TRIQK: variants seen among roughly 807,000 people sequenced by gnomAD.
TRIQK encodes triple QxxK/R motif containing.
TRIQK carries 10 observed loss-of-function variants against 10.8 expected under a neutral mutation model. The observed-to-expected ratio is 0.92, with a 90% CI of 0.57 to 1.57. The LOEUF (loss-of-function observed/expected upper bound fraction) is 1.57, where lower values mean the gene tolerates loss of function less well. Ranked by LOEUF, TRIQK falls within the 40% of genes most tolerant of loss-of-function variation. The pLI is 0.00. For synonymous variants in TRIQK, 33 were observed against 33.7 expected, an observed-to-expected ratio of 0.98 and a Z score of 0.07; for missense variants, 107 against 97.7, an observed-to-expected ratio of 1.09 and a Z score of -0.40.
rs114634211 is a variant in TRIQK at position 93,003,916 on chromosome 8, G to A, written c.-181+13693C>T. Among the ~76,000 whole-genome samples the A allele has an allele frequency of 3.4e-3, 514 of 152,280 alleles. 1 individual carries two copies. Among genetic ancestry groups the A allele is most frequent in the African/African-American group, 0.012 (488 of 41,554 alleles). On this transcript the variant is annotated intron_variant, in intron 1 of 4. Coordinates refer to the TRIQK transcript ENST00000520686. ...ACATCCAGCTCATGCTGTTGCAGGG[G>A]GTGTGATCCCAAGGCCTTAGGTAGC...
At chr8:92,930,584 G>T (rs1810670635) in intron 2 of TRIQK, among the ~76,000 whole-genome samples, 1 of 151,960 alleles carries the variant, frequency 6.6e-6, no homozygotes, top group Admixed American at 6.6e-5. Flanking sequence ...CACGCTAAGA[G>T]CTTAATCAAA....
chr8:93,000,785 C>T (rs1051409242), intron 1 of TRIQK, among the ~76,000 whole-genome samples: 1 of 151,080 alleles, frequency 6.6e-6, no homozygotes. Flanking sequence ...ATGTTTGCCT[C>T]GTGGTAACCA....
chr8:92,959,544 T>G (rs1275908030), intron 1 of TRIQK, among the ~76,000 whole-genome samples: 2 of 151,322 alleles, frequency 1.3e-5, no homozygotes, highest in African/African-American at 2.4e-5. Flanking sequence ...TGTGTTGATA[T>G]TGCATTATCT....
chr8:92,932,512 C>T (rs1810783678), intron 2 of TRIQK, among the ~76,000 whole-genome samples: 2 of 152,038 alleles, frequency 1.3e-5, no homozygotes, highest in African/African-American at 4.8e-5. Flanking sequence ...AGAATTTAGT[C>T]TTTTCCCCTT....
upstream of TRIQK, among the ~76,000 whole-genome samples, chr8:92,969,938 C>A (rs1812857372): frequency 6.6e-6 from 1 of 152,098 alleles, no homozygotes; most frequent in Non-Finnish European, 1.5e-5. Flanking sequence ...CTGATGCTCT[C>A]CCTCTCCAAA....
upstream of TRIQK, among the ~76,000 whole-genome samples, chr8:92,968,039 G>A (rs1173343895): frequency 6.6e-6 from 1 of 151,810 alleles, no homozygotes; most frequent in African/African-American, 2.4e-5. Flanking sequence ...GAAGTAAATA[G>A]CTTAATGTAA....
intron 1 of TRIQK, among the ~76,000 whole-genome samples, chr8:92,976,622 C>A (rs1177081789): frequency 6.6e-6 from 1 of 151,748 alleles, no homozygotes; most frequent in East Asian, 1.9e-4. Flanking sequence ...GGTGTTAGAC[C>A]ATTTATGTTA....
Position 92,886,723 on chromosome 8 carries a change from C to A in TRIQK, c.160G>T (p.Val54Leu). 6.5e-7 allele frequency: 1 copy of A among 1,528,316 alleles called. No homozygotes were observed. The highest frequency in any genetic ancestry group is 8.8e-7 in the Non-Finnish European group (1 of 1,140,466). 94.7% of individuals were successfully genotyped at this position (1,528,316 alleles called of 1,614,324 possible). The change falls in exon 5 of 5, where the codon GTA becomes TTA. Residue 54 changes from valine to leucine, a missense_variant. Coordinates refer to ENST00000521988, the MANE Select transcript of TRIQK (RefSeq NM_001171797.2). ...AGTAGTGCCAATATAGCTGCAAGTA[C>A]AAGGCCAACTTCCTGGGAAGAAAAA... ...TAIGIKEVGL[V>L]LAAILALLLA...
At chr8:92,936,565 G>T (rs1810999793) in intron 2 of TRIQK, among the ~76,000 whole-genome samples, 1 of 151,432 alleles carries the variant, frequency 6.6e-6, no homozygotes, top group African/African-American at 2.4e-5. Flanking sequence ...ACAAAGCAAA[G>T]ATTATCCTAA....
At chr8:92,928,890 T>C (rs1810575847) in intron 2 of TRIQK, among the ~76,000 whole-genome samples, 1 of 152,156 alleles carries the variant, frequency 6.6e-6, no homozygotes, top group African/African-American at 2.4e-5. Context: ...TTAATAAGAT[T>C]AGAAAGACTA....
At chr8:93,000,339 G>C (rs1459755227) in intron 1 of TRIQK, among the ~76,000 whole-genome samples, 1 of 152,148 alleles carries the variant, frequency 6.6e-6, no homozygotes, top group African/African-American at 2.4e-5. Context: ...ACATGGCCCG[G>C]GAGGCTTCAC....
chr8:93,002,587 T>C (rs906864314), intron 1 of TRIQK, among the ~76,000 whole-genome samples: 1 of 152,016 alleles, frequency 6.6e-6, no homozygotes, highest in Non-Finnish European at 1.5e-5. Context: ...AGACCAATAA[T>C]GAATGAAGAA....
At chr8:93,014,027 T>A (rs944373564) in intron 1 of TRIQK, among the ~76,000 whole-genome samples, 11 of 152,156 alleles carry the variant, frequency 7.2e-5, no homozygotes, top group African/African-American at 2.4e-4. Flanking sequence ...AATCTACTGT[T>A]TCACGAGTAG....
intron 1 of TRIQK, among the ~76,000 whole-genome samples, chr8:92,980,129 T>G (rs1156635639): frequency 6.6e-6 from 1 of 152,064 alleles, no homozygotes; most frequent in African/African-American, 2.4e-5. Context: ...ATTTTGGACT[T>G]CTTTTACTAA....
At chr8:92,907,360 A>G (rs952674270) in intron 3 of TRIQK, among the ~76,000 whole-genome samples, 1 of 152,204 alleles carries the variant, frequency 6.6e-6, no homozygotes, top group Admixed American at 6.5e-5. Flanking sequence ...AGATTCACTT[A>G]ACAGTGTGTG....
intron 1 of TRIQK, among the ~76,000 whole-genome samples, chr8:92,982,994 A>T (rs1813000975): frequency 6.6e-6 from 1 of 152,054 alleles, no homozygotes; most frequent in South Asian, 2.1e-4. Flanking sequence ...GTTCTCATTT[A>T]TGAAATTAGG....
chr8:92,996,380 T>C (rs1473648037), intron 1 of TRIQK, among the ~76,000 whole-genome samples: 3 of 152,080 alleles, frequency 2.0e-5, no homozygotes, highest in African/African-American at 7.2e-5. Flanking sequence ...AAAGTTAAAT[T>C]CAATTGTTCA....
At chr8:92,977,205 A>G (rs1015640768) in intron 1 of TRIQK, among the ~76,000 whole-genome samples, 1 of 151,978 alleles carries the variant, frequency 6.6e-6, no homozygotes, top group Non-Finnish European at 1.5e-5. Flanking sequence ...GTATGTCTAA[A>G]TAAGTCTTTA....
chr8:92,997,053 A>G (rs1813159981), intron 1 of TRIQK, among the ~76,000 whole-genome samples: 2 of 151,962 alleles, frequency 1.3e-5, no homozygotes, highest in Admixed American at 6.6e-5. Context: ...TCAATCATAC[A>G]TTGTTTCTCT....
Sources: gnomAD v4.1 joint callset for allele counts (sites outside exome capture counted in the v4.1 genomes callset) on GRCh38, gnomAD v4.1.1 for gene constraint, MANE v1.5 for transcripts, NCBI Gene and HGNC (gene_info 2026-07-23, HGNC 2026-07-21) for gene names.